TMPRSS11A: variants seen among roughly 807,000 people sequenced by gnomAD.
The protein encoded by TMPRSS11A is transmembrane protease serine 11A.
A neutral mutation model predicts 58.9 loss-of-function variants in TMPRSS11A; 53 were observed. That is an observed-to-expected ratio of 0.90 (90% CI 0.72 to 1.13). The LOEUF (loss-of-function observed/expected upper bound fraction) is 1.13, where lower values mean the gene tolerates loss of function less well. Ranked by LOEUF, TMPRSS11A falls within the 50% of genes most tolerant of loss-of-function variation. The pLI is 0.00. For synonymous variants in TMPRSS11A, 167 were observed against 169.8 expected (o/e 0.98, Z 0.13); for missense variants, 493 against 499.3 (o/e 0.99, Z 0.12).
rs1169422760 is a variant in TMPRSS11A at position 67,927,942 on chromosome 4, T to C, written c.481+1938A>G. 2.6e-5 allele frequency among the ~76,000 whole-genome samples: 4 copies of C among 152,348 alleles called. No homozygotes were observed. The East Asian group carries it at 7.7e-4, about 29-fold the overall frequency. Reference sequence around the variant, plus strand: ...ATTTCAGGAAGAACAAACATTACCATTGGAATTTTACAGATGAGAAAATGA... The same window carrying C: ...ATTTCAGGAAGAACAAACATTACCACTGGAATTTTACAGATGAGAAAATGA... On this transcript the variant is annotated intron_variant, in intron 5 of 9. Coordinates refer to ENST00000508048, the MANE Select transcript of TMPRSS11A (RefSeq NM_001114387.2).
intron 1 of TMPRSS11A, among the ~76,000 whole-genome samples, chr4:67,962,031 T>C (rs1721442200): frequency 1.3e-5 from 2 of 152,320 alleles, no homozygotes; most frequent in South Asian, 4.1e-4. Flanking sequence ...TGTTTTACAA[T>C]ATCATGATTC....
At chr4:67,911,924 C>T (rs984614601) in intron 9 of TMPRSS11A, among the ~76,000 whole-genome samples, 12 of 152,054 alleles carry the variant, frequency 7.9e-5, no homozygotes, top group Non-Finnish European at 1.5e-4. Context: ...TATTTATTTT[C>T]TCTTACGTAG....
intron 3 of TMPRSS11A, among the ~76,000 whole-genome samples, chr4:67,934,979 G>A (rs1287260300): frequency 6.6e-6 from 1 of 151,992 alleles, no homozygotes; most frequent in Non-Finnish European, 1.5e-5. Flanking sequence ...GTAACACCAG[G>A]TGAGCTCCTT....
At chr4:67,930,278 G>A (rs554397136) in intron 4 of TMPRSS11A, among the ~76,000 whole-genome samples, 2 of 152,288 alleles carry the variant, frequency 1.3e-5, no homozygotes, top group East Asian at 3.9e-4. Context: ...AGGAATGACA[G>A]ATATAAAAAA....
chr4:67,960,216 G>A (rs1185689152), intron 1 of TMPRSS11A, among the ~76,000 whole-genome samples: 3 of 152,168 alleles, frequency 2.0e-5, no homozygotes, highest in African/African-American at 7.2e-5. Context: ...TGGGTGCTAT[G>A]CCCACTACCT....
chr4:67,944,412 T>A, intron 3 of TMPRSS11A, 107 bp downstream of exon 3: 1 of 1,315,456 alleles, frequency 7.6e-7, no homozygotes, highest in Non-Finnish European at 1.1e-6. Context: ...GCAAGATGAT[T>A]CTAATGTTGG....
rs552757290 is a variant in TMPRSS11A at position 67,932,090 on chromosome 4, T to A, written c.253-30A>T. 4 of 1,275,452 alleles carry A rather than the reference T, an allele frequency of 3.1e-6. No individual in the cohort carries two copies. In the Admixed American group the frequency reaches 7.3e-5, roughly 23 times the overall value. The allele number at this position is 1,275,452 out of a possible 1,614,324, so 79.0% of individuals were successfully genotyped here. A position where few individuals can be genotyped will look rare whatever the true frequency, so the allele number is the denominator to read the frequency against. ...TACACAACAAGAGAGAAACTATGTG[T>A]TAATAATATATTTTATAATAGGAAT... On this transcript the variant is annotated intron_variant, in intron 3 of 9. Transcript: ENST00000508048.
intron 1 of TMPRSS11A, among the ~76,000 whole-genome samples, chr4:67,955,030 T>C (rs1377122570): frequency 6.6e-6 from 1 of 152,190 alleles, no homozygotes; most frequent in Non-Finnish European, 1.5e-5. Flanking sequence ...ATGAGCATTT[T>C]AGTGTGAGGA....
At chr4:67,944,692 C>G in intron 2 of TMPRSS11A, 55 bp from the exon 3 acceptor site, 1 of 1,513,656 alleles carries the variant, frequency 6.6e-7, no homozygotes, top group Non-Finnish European at 9.0e-7. Flanking sequence ...GATTTCAGAA[C>G]TCAATTACAA....
chr4:67,922,175 C>T (rs1175463403), intron 7 of TMPRSS11A, among the ~76,000 whole-genome samples: 1 of 152,120 alleles, frequency 6.6e-6, no homozygotes, highest in Admixed American at 6.5e-5. Flanking sequence ...TTTGATACTC[C>T]GAGGAATCTC....
rs145702886 is a variant in TMPRSS11A, at chr4:67,912,467, G to A, written c.1096-964C>T. 4.7e-3 allele frequency among the ~76,000 whole-genome samples: 715 copies of A among 152,242 alleles called. 5 individuals are homozygous for A. The highest frequency in any genetic ancestry group is 0.015 in the African/African-American group (604 of 41,568). On this transcript the variant is annotated intron_variant, in intron 9 of 9. Transcript: ENST00000508048. The stretch of plus-strand genomic sequence containing the variant: ...CAGGTCTTACGTCTTCCACTTTCTT[G>A]ATTTATTCCCTCATTTTGCTGAGGT...
At chr4:67,947,119 A>G (rs1335410454) in intron 1 of TMPRSS11A, among the ~76,000 whole-genome samples, 2 of 152,102 alleles carry the variant, frequency 1.3e-5, no homozygotes, top group Admixed American at 6.6e-5. Context: ...CTGCTGCTAT[A>G]TTTTAATGTG....
intron 5 of TMPRSS11A, among the ~76,000 whole-genome samples, chr4:67,927,294 CA>C (rs1720499945): frequency 6.6e-6 from 1 of 152,232 alleles, no homozygotes; most frequent in African/African-American, 2.4e-5. Flanking sequence ...CTCCCCAAGC[CA>C]GGGTTGTGAC....
intron 8 of TMPRSS11A, among the ~76,000 whole-genome samples, chr4:67,916,206 T>C (rs952569000): frequency 2.0e-5 from 3 of 152,152 alleles, no homozygotes; most frequent in African/African-American, 7.2e-5. Context: ...ACTCACAGTG[T>C]ACATATACTA....
At chr4:67,959,278 T>C (rs1343699141) in intron 1 of TMPRSS11A, among the ~76,000 whole-genome samples, 1 of 151,766 alleles carries the variant, frequency 6.6e-6, no homozygotes, top group Admixed American at 6.6e-5. Context: ...GAAATAACCT[T>C]CTTAACATCA....
At chr4:67,945,631 A>G (rs1462654559) in intron 2 of TMPRSS11A, among the ~76,000 whole-genome samples, 1 of 152,202 alleles carries the variant, frequency 6.6e-6, no homozygotes, top group African/African-American at 2.4e-5. Flanking sequence ...CTATGATCTT[A>G]AGCCCTTTAA....
Position 67,919,033 on chromosome 4 carries a change from C to T in TMPRSS11A, c.892G>A (p.Ala298Thr). Residue 298 changes from alanine to threonine, a missense_variant, in exon 8 of 10, where the codon GCA (alanine) becomes ACA (threonine). Ala to Thr is a moderately conservative substitution (Grantham distance 58). Transcript: ENST00000508048. ...ACAGTCAAATTTGGTTGGAAGGATG[C>T]AGAGGCTTCTGGCAAACAAATCTGG... ...IRQICLPEAS[A>T]SFQPNLTVHI... 1 of 1,614,158 alleles carries T rather than the reference C, an allele frequency of 6.2e-7. No individual in the cohort carries two copies. The highest frequency in any genetic ancestry group is 8.5e-7 in the Non-Finnish European group (1 of 1,180,016).
chr4:67,943,978 CT>C (rs1001979673), intron 3 of TMPRSS11A, among the ~76,000 whole-genome samples: 8 of 152,048 alleles, frequency 5.3e-5, no homozygotes, highest in African/African-American at 1.9e-4. Context: ...ACTGAGTGTG[CT>C]TTTTTTCTTT....
chr4:67,931,850 C>T, intron 4 of TMPRSS11A, 143 bp downstream of exon 4: 1 of 582,304 alleles, frequency 1.7e-6, no homozygotes, highest in Admixed American at 2.7e-5. Context: ...CCCTATACTT[C>T]AAGACTGCTT....
Sources: gnomAD v4.1 joint callset for allele counts (sites outside exome capture counted in the v4.1 genomes callset) on GRCh38, gnomAD v4.1.1 for gene constraint, MANE v1.5 for transcripts, NCBI Gene and HGNC (gene_info 2026-07-23, HGNC 2026-07-21) for gene names.